PDE1A: variants seen among roughly 807,000 people sequenced by gnomAD.
PDE1A encodes phosphodiesterase 1A.
In PDE1A, 35 loss-of-function variants were observed where a neutral mutation model predicts 61.7. The observed-to-expected ratio is 0.57, with a 90% CI of 0.43 to 0.75. PDE1A has a LOEUF of 0.75. Among genes scored for constraint, PDE1A ranks in the 30% least tolerant of loss-of-function variants. PDE1A has a pLI of 0.00. For synonymous variants in PDE1A, 232 were observed against 213.2 expected (o/e 1.09, Z -0.77); for missense variants, 597 against 630.6 (o/e 0.95, Z 0.57).
intron 2 of PDE1A, among the ~76,000 whole-genome samples, chr2:182,257,320 A>C (rs576680736): frequency 6.6e-6 from 1 of 152,370 alleles, no homozygotes; most frequent in Non-Finnish European, 1.5e-5. Context: ...TTTAAACCTT[A>C]ATAGTTGAAA....
At chr2:182,490,896 T>TA (rs1490691449) in intron 2 of PDE1A, among the ~76,000 whole-genome samples, 1 of 152,104 alleles carries the variant, frequency 6.6e-6, no homozygotes, top group Non-Finnish European at 1.5e-5. Context: ...TAGGAAGAGA[T>TA]ATGTGGGGCT....
chr2:182,526,053 C>A (rs1038692341), upstream of PDE1A, among the ~76,000 whole-genome samples: 2 of 151,936 alleles, frequency 1.3e-5, no homozygotes, highest in African/African-American at 2.4e-5. Flanking sequence ...TCATAGGGAT[C>A]AAAAATATGG....
chr2:182,540,224 C>T, the PDE1A span, among the ~76,000 whole-genome samples: 1 of 151,774 alleles, frequency 6.6e-6, no homozygotes, highest in African/African-American at 2.4e-5. Context: ...ATTAGCTGGG[C>T]ATGGTGGTGG....
chr2:182,529,835 A>G, the PDE1A span, among the ~76,000 whole-genome samples: 1 of 152,130 alleles, frequency 6.6e-6, no homozygotes, highest in East Asian at 1.9e-4. Flanking sequence ...ATGTGACTTG[A>G]TTTCCACCAT....
At chr2:182,528,383 G>A in the PDE1A span, among the ~76,000 whole-genome samples, 1 of 152,096 alleles carries the variant, frequency 6.6e-6, no homozygotes, top group Non-Finnish European at 1.5e-5. Context: ...AGGGAGATGA[G>A]GTAGGGTATT....
At chr2:182,652,379 T>C in the PDE1A span, among the ~76,000 whole-genome samples, 23,509 of 152,132 alleles carry the variant, frequency 0.15, 2,406 homozygotes, top group African/African-American at 0.29. Flanking sequence ...CTTACCTCTC[T>C]AGATCGACCT....
At chr2:182,399,216 T>C (rs1279685808) in intron 1 of PDE1A, among the ~76,000 whole-genome samples, 2 of 152,018 alleles carry the variant, frequency 1.3e-5, no homozygotes, top group South Asian at 2.1e-4. Flanking sequence ...TTCACTAATA[T>C]AGTTTATTTT....
intron 11 of PDE1A, among the ~76,000 whole-genome samples, chr2:182,186,964 C>T (rs1374685955): frequency 6.6e-6 from 1 of 152,172 alleles, no homozygotes; most frequent in African/African-American, 2.4e-5. Flanking sequence ...GAAAGCACAT[C>T]ATGTGCATTT....
the PDE1A span, among the ~76,000 whole-genome samples, chr2:182,671,287 T>G: frequency 1.1e-5 from 1 of 88,538 alleles, no homozygotes; most frequent in African/African-American, 3.4e-5. Flanking sequence ...TTCTCCTGCC[T>G]CAGCCTCCCG....
the PDE1A span, among the ~76,000 whole-genome samples, chr2:182,626,864 T>G: frequency 2.2e-5 from 1 of 45,400 alleles, no homozygotes; most frequent in Non-Finnish European, 4.2e-5. Context: ...TATATACATA[T>G]ATATATACAT....
At chr2:182,364,739 C>A (rs1031951047) in intron 1 of PDE1A, among the ~76,000 whole-genome samples, 1 of 151,804 alleles carries the variant, frequency 6.6e-6, no homozygotes, top group Non-Finnish European at 1.5e-5. Flanking sequence ...TAGCATGTTA[C>A]TTTTCAAACA....
chr2:182,174,639 T>G (rs942964415), intron 13 of PDE1A, among the ~76,000 whole-genome samples: 1 of 152,152 alleles, frequency 6.6e-6, no homozygotes, highest in African/African-American at 2.4e-5. Context: ...CTTTAAGTAT[T>G]TTCTGGGAAG....
intron 2 of PDE1A, among the ~76,000 whole-genome samples, chr2:182,511,446 C>T (rs1689781090): frequency 6.6e-6 from 1 of 152,148 alleles, no homozygotes; most frequent in Admixed American, 6.5e-5. Flanking sequence ...CCCACTCTCA[C>T]CACAGACCTC....
At chr2:182,409,471 A>G (rs529674148) in intron 1 of PDE1A, among the ~76,000 whole-genome samples, 8 of 152,388 alleles carry the variant, frequency 5.2e-5, no homozygotes, top group African/African-American at 1.9e-4. Flanking sequence ...GTACAAACCC[A>G]GTCTCCATTC....
chr2:182,179,681 C>T (rs1228897731), intron 13 of PDE1A, among the ~76,000 whole-genome samples: 1 of 152,106 alleles, frequency 6.6e-6, no homozygotes, highest in East Asian at 1.9e-4. Context: ...ACCCCCTCCT[C>T]TCTCGTCCTC....
At chr2:182,396,034 T>A (rs6751445) in intron 1 of PDE1A, among the ~76,000 whole-genome samples, 1,742 of 152,330 alleles carry the variant, frequency 0.011, 35 homozygotes, top group African/African-American at 0.04. Flanking sequence ...GCGATCAGGC[T>A]TGAGCAGGTC....
the PDE1A span, among the ~76,000 whole-genome samples, chr2:182,580,251 A>G: frequency 6.6e-6 from 1 of 152,174 alleles, no homozygotes; most frequent in Non-Finnish European, 1.5e-5. Flanking sequence ...GTACCATAAC[A>G]AAGTACCACA....
At chr2:182,606,837 A>G in the PDE1A span, among the ~76,000 whole-genome samples, 1 of 152,168 alleles carries the variant, frequency 6.6e-6, no homozygotes, top group African/African-American at 2.4e-5. Flanking sequence ...CTCTTCAGGA[A>G]AAGGGAAGAG....
rs572031244 is a variant in PDE1A, at chr2:182,278,515, A to G, written c.54-14101T>C. 3.8e-4 allele frequency among the ~76,000 whole-genome samples: 57 copies of G among 150,074 alleles called. 2 individuals are homozygous for G. The South Asian group carries it at 0.011, about 29-fold the overall frequency. ...TCAGTAAAATTTACATTTCTATCAT[A>G]TGAGTGGTTTATAAGTCATTTTGAT... On this transcript the variant is annotated intron_variant, in intron 1 of 13. Transcript: ENST00000351439.
Sources: gnomAD v4.1 joint callset for allele counts (sites outside exome capture counted in the v4.1 genomes callset) on GRCh38, gnomAD v4.1.1 for gene constraint, MANE v1.5 for transcripts, NCBI Gene and HGNC (gene_info 2026-07-23, HGNC 2026-07-21) for gene names.